Variants in SAMMSON observed in about 807,000 individuals in gnomAD.
SAMMSON encodes the protein survival associated mitochondrial melanoma specific oncogenic non-coding RNA, also known as long intergenic non-protein coding RNA 1212.
At chr3:70,247,554 T>G (rs918052686) in intron 4 of SAMMSON, among the ~76,000 whole-genome samples, 1 of 151,872 alleles carries the variant, frequency 6.6e-6, no homozygotes, top group African/African-American at 2.4e-5. Flanking sequence ...ACCAATTTTT[T>G]GATCACATAT....
intron 4 of SAMMSON, among the ~76,000 whole-genome samples, chr3:70,093,509 T>A (rs1158951034): frequency 6.6e-6 from 1 of 152,216 alleles, no homozygotes; most frequent in Non-Finnish European, 1.5e-5. Context: ...GTGTTAGACC[T>A]CTGCCACAAC....
At chr3:70,262,643 A>C (rs939827886) in intron 6 of SAMMSON, among the ~76,000 whole-genome samples, 2 of 152,084 alleles carry the variant, frequency 1.3e-5, no homozygotes, top group Admixed American at 1.3e-4. Flanking sequence ...GCAGTCATTG[A>C]CTCTCAAATT....
intron 9 of SAMMSON, among the ~76,000 whole-genome samples, chr3:70,383,803 A>T (rs1418496652): frequency 6.6e-6 from 1 of 151,990 alleles, no homozygotes; most frequent in African/African-American, 2.4e-5. Flanking sequence ...ATTGCTACTA[A>T]CGCATTATTA....
At chr3:70,167,212 T>C (rs1016451062) in intron 4 of SAMMSON, among the ~76,000 whole-genome samples, 6 of 152,004 alleles carry the variant, frequency 3.9e-5, no homozygotes, top group African/African-American at 1.4e-4. Context: ...GACTATCGTA[T>C]TGGAGAGTGA....
chr3:70,073,184 C>A (rs1019031822), intron 4 of SAMMSON, among the ~76,000 whole-genome samples: 3 of 151,934 alleles, frequency 2.0e-5, no homozygotes, highest in African/African-American at 7.2e-5. Context: ...ATGGCAACGG[C>A]AAGACAGTGC....
At position 70,116,295 on chromosome 3, in the gene SAMMSON, T is replaced by TTC. The variant is rs966872896; in HGVS notation, n.507+44731_507+44732insCT. 7.3e-5 allele frequency among the ~76,000 whole-genome samples: 11 copies of TTC among 150,188 alleles called. No individual in the cohort carries two copies. In the East Asian group the frequency reaches 9.7e-4, roughly 13 times the overall value. Reference sequence around the variant, plus strand: ...TTTAGGAGAAGGGCGATGCTTTCTTTTTTTTTTTTTTTTTTAAAGAAAATA... The same window carrying TTC: ...TTTAGGAGAAGGGCGATGCTTTCTTTTCTTTTTTTTTTTTTTTAAAGAAAATA... On this transcript the variant is annotated intron_variant and non_coding_transcript_variant, in intron 4 of 9. Coordinates refer to ENST00000642114, the Ensembl canonical transcript of SAMMSON.
intron 9 of SAMMSON, among the ~76,000 whole-genome samples, chr3:70,363,953 G>A (rs1702898623): frequency 6.6e-6 from 1 of 151,542 alleles, no homozygotes; most frequent in Non-Finnish European, 1.5e-5. Flanking sequence ...TAGCTTTTTT[G>A]TCTGTTTAGT....
intron 7 of SAMMSON, among the ~76,000 whole-genome samples, chr3:70,299,331 TAC>T (rs1398228649): frequency 1.4e-5 from 2 of 145,038 alleles, no homozygotes; most frequent in African/African-American, 5.1e-5. Flanking sequence ...GTTATTTGTA[TAC>T]ACACACAAAT....
intron 4 of SAMMSON, among the ~76,000 whole-genome samples, chr3:70,187,829 T>C (rs1701103442): frequency 6.6e-6 from 1 of 152,106 alleles, no homozygotes; most frequent in African/African-American, 2.4e-5. Context: ...GGTGCTTTTT[T>C]TTCTGGGCAA....
chr3:70,216,263 TAAC>T (rs1191518147), intron 4 of SAMMSON, among the ~76,000 whole-genome samples: 1 of 150,336 alleles, frequency 6.7e-6, no homozygotes, highest in African/African-American at 2.4e-5. Flanking sequence ...ATTAGATTAA[TAAC>T]AAATATACTA....
At chr3:70,405,843 G>T (rs1178746994) in intron 2 of SAMMSON, among the ~76,000 whole-genome samples, 1 of 152,108 alleles carries the variant, frequency 6.6e-6, no homozygotes, top group African/African-American at 2.4e-5. Flanking sequence ...AAGCAGGGAA[G>T]TTCAATGAAT....
intron 4 of SAMMSON, among the ~76,000 whole-genome samples, chr3:70,078,939 T>C (rs1358939709): frequency 1.3e-5 from 2 of 152,202 alleles, no homozygotes; most frequent in African/African-American, 4.8e-5. Context: ...ATACAATCCA[T>C]GGACTAAATC....
intron 3 of SAMMSON, among the ~76,000 whole-genome samples, chr3:70,063,973 AC>A (rs2067200423): frequency 6.6e-6 from 1 of 151,824 alleles, no homozygotes; most frequent in African/African-American, 2.4e-5. Context: ...CTCAGATCTC[AC>A]CTCCTAATTC....
intron 4 of SAMMSON, among the ~76,000 whole-genome samples, chr3:70,182,699 G>A (rs1005571211): frequency 1.3e-5 from 2 of 152,150 alleles, no homozygotes; most frequent in African/African-American, 4.8e-5. Flanking sequence ...AAATCTAACA[G>A]TTCCAAGTAA....
chr3:70,088,180 G>A (rs1347518203), intron 4 of SAMMSON, among the ~76,000 whole-genome samples: 2 of 152,132 alleles, frequency 1.3e-5, no homozygotes, highest in Admixed American at 6.5e-5. Context: ...TTAGGATAAC[G>A]ATAGCTTTTC....
chr3:70,360,540 A>G (rs1702863760), intron 9 of SAMMSON, among the ~76,000 whole-genome samples: 1 of 152,136 alleles, frequency 6.6e-6, no homozygotes, highest in African/African-American at 2.4e-5. Flanking sequence ...CTATTCCAGC[A>G]CCATCTCCCA....
At chr3:70,376,600 T>G (rs1703018007) in intron 9 of SAMMSON, among the ~76,000 whole-genome samples, 1 of 152,122 alleles carries the variant, frequency 6.6e-6, no homozygotes, top group Non-Finnish European at 1.5e-5. Context: ...GAGGTGTCAC[T>G]TATTTTTCAC....
intron 9 of SAMMSON, among the ~76,000 whole-genome samples, chr3:70,380,839 C>T (rs1373592817): frequency 6.6e-6 from 1 of 152,082 alleles, no homozygotes; most frequent in Non-Finnish European, 1.5e-5. Flanking sequence ...TGATGGTTTC[C>T]AGCTTCATCC....
chr3:70,243,151 G>T (rs1266801241), intron 4 of SAMMSON, among the ~76,000 whole-genome samples: 2 of 151,902 alleles, frequency 1.3e-5, no homozygotes, highest in Admixed American at 6.6e-5. Context: ...TGTGCCTTTT[G>T]TCTTCTGCAG....
Sources: gnomAD v4.1 joint callset for allele counts (sites outside exome capture counted in the v4.1 genomes callset) on GRCh38, gnomAD v4.1.1 for gene constraint, MANE v1.5 for transcripts, NCBI Gene and HGNC (gene_info 2026-07-23, HGNC 2026-07-21) for gene names.